Variants in DIAPH3 observed in about 807,000 individuals in gnomAD.
DIAPH3 encodes diaphanous related formin 3, also known as protein diaphanous homolog 3.
A neutral mutation model predicts 144.3 loss-of-function variants in DIAPH3; 117 were observed. The ratio of observed to expected loss-of-function variants is 0.81; its 90% CI spans 0.70 to 0.95. The LOEUF is 0.95. Ranked by LOEUF, DIAPH3 falls within the 40% of genes least tolerant of loss-of-function variation. The pLI is 0.00. For missense variants in DIAPH3, 1,421 were observed against 1,412.7 expected (o/e 1.01, Z -0.09); for synonymous variants, 519 against 488.9 (o/e 1.06, Z -0.81).
chr13:59,895,769 C>G (rs2046057145), intron 20 of DIAPH3, among the ~76,000 whole-genome samples: 1 of 152,250 alleles, frequency 6.6e-6, no homozygotes, highest in East Asian at 1.9e-4. Flanking sequence ...GGAGAAAGGC[C>G]TACTCAAGAG....
chr13:59,861,574 A>T (rs904578755), intron 21 of DIAPH3, 38 bp from the exon 22 acceptor site: 31 of 1,583,616 alleles, frequency 2.0e-5, no homozygotes, highest in Non-Finnish European at 2.3e-5. Context: ...ACAGAGTCAT[A>T]AGTATGTTGA....
chr13:59,990,839 T>A (rs1464914447), intron 12 of DIAPH3, among the ~76,000 whole-genome samples: 1 of 151,948 alleles, frequency 6.6e-6, no homozygotes, highest in African/African-American at 2.4e-5. Flanking sequence ...AAGAAACTTA[T>A]CAACATCATT....
intron 15 of DIAPH3, among the ~76,000 whole-genome samples, chr13:59,972,680 C>A (rs1489483565): frequency 6.6e-6 from 1 of 152,096 alleles, no homozygotes. Context: ...TCCTTTTGAA[C>A]GTATTTAATA....
intron 14 of DIAPH3, among the ~76,000 whole-genome samples, chr13:59,975,965 G>A (rs1321997008): frequency 6.6e-6 from 1 of 151,860 alleles, no homozygotes; most frequent in South Asian, 2.1e-4. Flanking sequence ...CCATGCATGA[G>A]TCTCAGAGGT....
intron 9 of DIAPH3, among the ~76,000 whole-genome samples, chr13:60,000,174 T>A (rs910497051): frequency 2.6e-5 from 4 of 152,148 alleles, no homozygotes; most frequent in African/African-American, 4.8e-5. Context: ...TGGATTATAT[T>A]CCTTGCTTTT....
chr13:59,937,311 T>C (rs78054999), intron 17 of DIAPH3, among the ~76,000 whole-genome samples: 2,199 of 152,198 alleles, frequency 0.014, 73 homozygotes, highest in East Asian at 0.11. Context: ...CGAAGACATA[T>C]ACAAAAGAAA....
intron 1 of DIAPH3, among the ~76,000 whole-genome samples, chr13:60,161,376 A>G (rs565959520): frequency 3.3e-5 from 5 of 152,308 alleles, no homozygotes; most frequent in African/African-American, 1.2e-4. Context: ...CCATCCAAAA[A>G]ACAAGAGTTA....
chr13:59,762,195 G>A (rs894099609), intron 27 of DIAPH3, among the ~76,000 whole-genome samples: 2 of 151,296 alleles, frequency 1.3e-5, no homozygotes, highest in African/African-American at 4.9e-5. Flanking sequence ...ACGAGTAGCT[G>A]GGACTACAGG....
chr13:60,051,214 TG>T (rs986662777), intron 4 of DIAPH3, among the ~76,000 whole-genome samples: 2 of 151,562 alleles, frequency 1.3e-5, no homozygotes, highest in Non-Finnish European at 2.9e-5. Context: ...GGGTATAATT[TG>T]GGGGGAGTGG....
chr13:60,004,063 A>G (rs1421623217), intron 9 of DIAPH3, among the ~76,000 whole-genome samples: 1 of 152,244 alleles, frequency 6.6e-6, no homozygotes. Context: ...TTTAAAAAAA[A>G]TACTTTGTCA....
At chr13:59,916,584 A>G (rs1279541359) in intron 18 of DIAPH3, among the ~76,000 whole-genome samples, 2 of 152,160 alleles carry the variant, frequency 1.3e-5, no homozygotes, top group Admixed American at 6.5e-5. Flanking sequence ...TAAAAACATC[A>G]CATTGTAATG....
At chr13:59,889,383 A>G (rs929154224) in intron 20 of DIAPH3, among the ~76,000 whole-genome samples, 2 of 152,078 alleles carry the variant, frequency 1.3e-5, no homozygotes, top group African/African-American at 4.8e-5. Flanking sequence ...CATCTCCAAT[A>G]TACTATTAAA....
At chr13:59,987,023 C>A (rs1470842217) in intron 12 of DIAPH3, among the ~76,000 whole-genome samples, 2 of 152,022 alleles carry the variant, frequency 1.3e-5, no homozygotes, top group Non-Finnish European at 1.5e-5. Flanking sequence ...GACACATGCA[C>A]GTGTATGTTT....
chr13:59,802,681 T>A (rs1347984113), intron 25 of DIAPH3, among the ~76,000 whole-genome samples: 4 of 75,720 alleles, frequency 5.3e-5, no homozygotes, highest in African/African-American at 1.4e-4. Context: ...TTTTTTTTTT[T>A]TTTTTTTTTT....
intron 5 of DIAPH3, among the ~76,000 whole-genome samples, chr13:60,027,809 A>G (rs771809557): frequency 3.6e-4 from 55 of 152,216 alleles, no homozygotes; most frequent in Non-Finnish European, 6.9e-4. Flanking sequence ...AAACATCATT[A>G]GTTCAAGAAA....
chr13:59,850,266 C>T (rs2139845229), intron 22 of DIAPH3, among the ~76,000 whole-genome samples: 1 of 150,662 alleles, frequency 6.6e-6, no homozygotes, highest in Non-Finnish European at 1.5e-5. Context: ...CGTCTGCAAA[C>T]AGGGACAATT....
At chr13:59,874,564 C>A (rs930053701) in intron 21 of DIAPH3, among the ~76,000 whole-genome samples, 1 of 152,146 alleles carries the variant, frequency 6.6e-6, no homozygotes, top group African/African-American at 2.4e-5. Flanking sequence ...ACGCCCATAG[C>A]CCCATTACCA....
At chr13:59,937,395 A>G (rs1021957645) in intron 17 of DIAPH3, among the ~76,000 whole-genome samples, 18 of 152,246 alleles carry the variant, frequency 1.2e-4, no homozygotes, top group Non-Finnish European at 5.9e-5. Context: ...AATCCAAATG[A>G]TAACACAGGT....
chr13:60,023,487 G>A (rs1245419143), intron 5 of DIAPH3, among the ~76,000 whole-genome samples: 1 of 151,702 alleles, frequency 6.6e-6, no homozygotes, highest in Non-Finnish European at 1.5e-5. Context: ...AAACTGGAGG[G>A]CAGTGGTGCA....
Sources: gnomAD v4.1 joint callset for allele counts (sites outside exome capture counted in the v4.1 genomes callset) on GRCh38, gnomAD v4.1.1 for gene constraint, MANE v1.5 for transcripts, NCBI Gene and HGNC (gene_info 2026-07-23, HGNC 2026-07-21) for gene names.